The following PTGIS variants were observed in gnomAD, a reference collection of about 807,000 sequenced individuals.
PTGIS encodes the protein prostaglandin I2 synthase, also known as prostacyclin synthase.
A neutral mutation model predicts 50.3 loss-of-function variants in PTGIS; 45 were observed. The ratio of observed to expected loss-of-function variants is 0.90; its 90% confidence interval spans 0.70 to 1.15. The LOEUF is 1.15. PTGIS is among the 50% of genes most tolerant of loss of function. The pLI is 0.00. For missense variants in PTGIS, 668 were observed against 661.3 expected, an observed-to-expected ratio of 1.01 and a Z score of -0.11; for synonymous variants, 260 against 267.7, an observed-to-expected ratio of 0.97 and a Z score of 0.28.
chr20:49,539,857 T>C (rs1982181231), intron 4 of PTGIS, 136 bp from the exon 5 acceptor site: 1 of 1,249,776 alleles, frequency 8.0e-7, no homozygotes, highest in Admixed American at 2.1e-5. Flanking sequence ...TTCTGGGCAC[T>C]GAACAGTCGG....
intron 7 of PTGIS, among the ~76,000 whole-genome samples, chr20:49,513,673 G>C (rs971814359): frequency 6.6e-6 from 1 of 152,140 alleles, no homozygotes; most frequent in African/African-American, 2.4e-5. Flanking sequence ...TCAACTCCTG[G>C]GATGGGGCTG....
chr20:49,519,438 C>T (rs1981586512), intron 6 of PTGIS, among the ~76,000 whole-genome samples: 1 of 152,012 alleles, frequency 6.6e-6, no homozygotes, highest in Non-Finnish European at 1.5e-5. Context: ...CATTTTTCAG[C>T]CTCTCTGCAG....
chr20:49,547,626 C>T (rs1982392152), intron 3 of PTGIS, among the ~76,000 whole-genome samples: 1 of 152,134 alleles, frequency 6.6e-6, no homozygotes, highest in South Asian at 2.1e-4. Flanking sequence ...AACAAACAAA[C>T]AAACAAACAA....
At chr20:49,519,542 C>G (rs1056616140) in intron 6 of PTGIS, among the ~76,000 whole-genome samples, 5 of 151,988 alleles carry the variant, frequency 3.3e-5, no homozygotes, top group African/African-American at 1.2e-4. Context: ...AGGGATGCCC[C>G]CTTCTTCACC....
chr20:49,550,531 C>T (rs141453902), intron 1 of PTGIS, among the ~76,000 whole-genome samples: 73 of 152,270 alleles, frequency 4.8e-4, no homozygotes, highest in African/African-American at 1.7e-3. Context: ...TGATTGAGAC[C>T]TAGCTTAGAT....
chr20:49,519,368 C>G (rs1413655660), intron 6 of PTGIS, among the ~76,000 whole-genome samples: 1 of 152,062 alleles, frequency 6.6e-6, no homozygotes, highest in East Asian at 1.9e-4. Context: ...TGCTCAGTAT[C>G]TTTTGAGATT....
intron 5 of PTGIS, among the ~76,000 whole-genome samples, chr20:49,533,370 G>C (rs915686133): frequency 2.6e-5 from 4 of 152,044 alleles, no homozygotes; most frequent in African/African-American, 9.7e-5. Flanking sequence ...TAAAATAAAT[G>C]TTCCAGACAG....
rs1370018037 is a variant in PTGIS at position 49,514,285 on chromosome 20, C to T, written c.966G>A (p.Gln322=). 6.2e-7 allele frequency: 1 copy of T among 1,614,156 alleles called. No individual in the cohort carries two copies. Reference sequence around the variant, plus strand: ...GGAGAGTGGTCGTCTGCGAGACAGGCTGCTCCGCTTGCCAAAGGATACTCT... The same window carrying T: ...GGAGAGTGGTCGTCTGCGAGACAGGTTGCTCCGCTTGCCAAAGGATACTCT... ...ELESILWQAE[Q]PVSQTTTLPQ... is the part of the protein sequence containing the mutation. The change falls in exon 7 of 10, where the codon CAG becomes CAA. Residue 322 remains glutamine (Q), a synonymous_variant. Transcript: ENST00000244043.
At chr20:49,519,383 T>C (rs1476356979) in intron 6 of PTGIS, among the ~76,000 whole-genome samples, 1 of 152,120 alleles carries the variant, frequency 6.6e-6, no homozygotes, top group East Asian at 1.9e-4. Context: ...GAGATTATTA[T>C]TCCTGACTCA....
At chr20:49,543,931 T>C (rs1601196603) in intron 4 of PTGIS, among the ~76,000 whole-genome samples, 1 of 152,342 alleles carries the variant, frequency 6.6e-6, no homozygotes, top group East Asian at 1.9e-4. Flanking sequence ...GTTTTTAACA[T>C]ACATTTACAA....
rs1214989955 is a variant in PTGIS, at chr20:49,544,386, A to G, written c.440T>C (p.Val147Ala). ...TEAMYTNLHA[V>A]LLGDATEAGS... ...TGCTTCTGTAGCATCGCCCAACAGC[A>G]CTGCATGGAGGTTGGTATACATGGC... Residue 147 changes from valine (V) to alanine (A), a missense_variant, in exon 4 of 10, where the codon GTG (valine) becomes GCG (alanine). Transcript: ENST00000244043. The G allele has an allele frequency of 6.2e-7, 1 of 1,614,082 alleles. No homozygotes were observed. Among genetic ancestry groups the G allele is most frequent in the South Asian group, 1.1e-5 (1 of 91,060 alleles).
In PTGIS at chr20:49,568,096, G is replaced by A. The variant is rs1982953588; in HGVS notation, c.21C>T (p.Leu7=). The change falls in exon 1 of 10, where the codon CTC becomes CTT. Residue 7 remains leucine (L), a synonymous_variant. Coordinates refer to ENST00000244043, the MANE Select transcript of PTGIS (RefSeq NM_000961.4). ...GCAGCAACAGTGCGGCCAGGAGGCC[G>A]AGGAGCGCGGCCCAAGCCATCGCGG... MAWAAL[L]GLLAALLLLL... 5 of 1,369,234 alleles carry A rather than the reference G, an allele frequency of 3.7e-6. No homozygotes were observed. Among genetic ancestry groups the A allele is most frequent in the East Asian group, 6.8e-5 (2 of 29,238 alleles). 84.8% of individuals were successfully genotyped at this position (1,369,234 alleles called of 1,614,324 possible).
At chr20:49,544,915 A>G (rs1280453796) in intron 3 of PTGIS, among the ~76,000 whole-genome samples, 2 of 152,336 alleles carry the variant, frequency 1.3e-5, no homozygotes, top group Admixed American at 6.5e-5. Flanking sequence ...CTCTCCCTGA[A>G]ATCTAAAGAT....
rs1271478047 is a variant in PTGIS, at chr20:49,547,849, C to T, written c.369G>A (p.Arg123=). The T allele has an allele frequency of 1.9e-6, 3 of 1,614,018 alleles. No homozygotes were observed. The highest frequency in any genetic ancestry group is 1.3e-5 in the African/African-American group (1 of 74,910). ...PHYSPSDEKA[R]MKLTLLHREL... ...CATCTCCAGCCACTCACAGTTTCAT[C>T]CTGGCCTTTTCATCACTGGGGCTGT... The change falls in exon 3 of 10, where the codon AGG becomes AGA. Residue 123 remains arginine (R), a synonymous_variant. Transcript: ENST00000244043.
intron 5 of PTGIS, among the ~76,000 whole-genome samples, chr20:49,525,890 G>A (rs958419140): frequency 6.6e-6 from 1 of 151,878 alleles, no homozygotes; most frequent in Admixed American, 6.5e-5. Flanking sequence ...TGAAAGGGTC[G>A]AAAATGTAGA....
At chr20:49,509,196 G>C (rs1981242602) in intron 9 of PTGIS, among the ~76,000 whole-genome samples, 1 of 152,234 alleles carries the variant, frequency 6.6e-6, no homozygotes, top group Admixed American at 6.5e-5. Flanking sequence ...CTCTGAGGCT[G>C]TAGGAAACTA....
intron 8 of PTGIS, 30 bp downstream of exon 8, chr20:49,513,050 C>A: frequency 6.2e-7 from 1 of 1,613,412 alleles, no homozygotes; most frequent in Non-Finnish European, 8.5e-7. Context: ...TCCCACAGAC[C>A]CCATATGACC....
chr20:49,511,061 AG>A lies in PTGIS; in HGVS notation c.1324del (p.Leu442TrpfsTer25). The stretch of plus-strand genomic sequence containing the variant: ...GCTGTTGACCGCATAACTCCTCCCC[AG>A]GCAGTGATTGTGCCCCGCCCCCCAG... ...MPWGAGHNHCLGRSYAVNSIK... is the reference protein window; with the variant it reads ...MPWGAGHNHCXGRSYAVNSIK... On this transcript the variant is annotated frameshift_variant, in exon 9 of 10. Coordinates refer to ENST00000244043, the MANE Select transcript of PTGIS (RefSeq NM_000961.4). LOFTEE classifies it high-confidence loss of function. 2 of 1,613,928 alleles carry A rather than the reference AG, an allele frequency of 1.2e-6. No individual in the cohort carries two copies. Among genetic ancestry groups the A allele is most frequent in the Non-Finnish European group, 1.7e-6 (2 of 1,179,982 alleles).
chr20:49,512,723 C>T (rs1341811377), intron 8 of PTGIS, among the ~76,000 whole-genome samples: 3 of 152,118 alleles, frequency 2.0e-5, no homozygotes, highest in Non-Finnish European at 4.4e-5. Flanking sequence ...AACATCCCCT[C>T]ATGTTCTAGG....
Sources: allele counts gnomAD v4.1 joint callset (sites outside exome capture counted in the v4.1 genomes callset), GRCh38; gene constraint gnomAD v4.1.1; transcripts MANE v1.5; gene names NCBI Gene and HGNC (gene_info 2026-07-23, HGNC 2026-07-21).